Variants in ZBTB8A observed in about 807,000 individuals in gnomAD.
ZBTB8A encodes zinc finger and BTB domain-containing protein 8A.
ZBTB8A carries 19 observed loss-of-function variants against 37.8 expected under a neutral mutation model. The ratio of observed to expected loss-of-function variants is 0.50; its 90% CI spans 0.35 to 0.74. The LOEUF is 0.74. Ranked by LOEUF, ZBTB8A falls within the 30% of genes least tolerant of loss-of-function variation. The pLI, the probability that ZBTB8A is intolerant of heterozygous loss-of-function variation, is 0.01. For synonymous variants in ZBTB8A, 181 were observed against 185.2 expected (o/e 0.98, Z 0.19); for missense variants, 394 against 537.8 (o/e 0.73, Z 2.65).
At chr1:32,550,497 T>A (rs1266387897) in intron 1 of ZBTB8A, among the ~76,000 whole-genome samples, 2 of 152,068 alleles carry the variant, frequency 1.3e-5, no homozygotes, top group Non-Finnish European at 2.9e-5. Flanking sequence ...TACACGTCTG[T>A]GGTCCCAGCT....
intron 2 of ZBTB8A, among the ~76,000 whole-genome samples, chr1:32,579,961 G>T (rs893853507): frequency 6.6e-6 from 1 of 152,144 alleles, no homozygotes; most frequent in South Asian, 2.1e-4. Flanking sequence ...TTCACACGTT[G>T]TAGTTAGTTA....
intron 2 of ZBTB8A, among the ~76,000 whole-genome samples, chr1:32,565,646 G>A (rs989646034): frequency 3.3e-5 from 5 of 152,018 alleles, no homozygotes; most frequent in South Asian, 4.1e-4. Context: ...GATTGAGACC[G>A]TCTTTAAAAA....
intron 3 of ZBTB8A, 77 bp downstream of exon 3, chr1:32,593,831 T>A: frequency 9.0e-7 from 1 of 1,111,990 alleles, no homozygotes; most frequent in Non-Finnish European, 1.3e-6. Context: ...AAAACACCCT[T>A]AGTTTCAGGT....
chr1:32,553,666 C>T (rs1449683457), intron 2 of ZBTB8A, 126 bp downstream of exon 2: 1 of 151,776 alleles, frequency 6.6e-6, no homozygotes, highest in Non-Finnish European at 1.5e-5. Flanking sequence ...GCAGACAGAT[C>T]ACCTGAGGTC....
intron 2 of ZBTB8A, among the ~76,000 whole-genome samples, chr1:32,585,574 C>T (rs993721826): frequency 4.6e-5 from 7 of 152,040 alleles, no homozygotes; most frequent in African/African-American, 1.7e-4. Context: ...ACCATGTTCA[C>T]GGATGGTGAG....
intron 2 of ZBTB8A, among the ~76,000 whole-genome samples, chr1:32,562,871 C>T (rs1458249267): frequency 6.6e-6 from 1 of 152,116 alleles, no homozygotes; most frequent in Non-Finnish European, 1.5e-5. Flanking sequence ...GCATGAGCCA[C>T]CACTCCCAGC....
chr1:32,547,648 G>GA (rs139684543), intron 1 of ZBTB8A, among the ~76,000 whole-genome samples: 20 of 126,762 alleles, frequency 1.6e-4, no homozygotes, highest in African/African-American at 5.3e-4. Context: ...AAAAAAGAAA[G>GA]AAAAAAAGGC....
intron 2 of ZBTB8A, among the ~76,000 whole-genome samples, chr1:32,592,474 A>G (rs920777164): frequency 1.3e-5 from 2 of 151,812 alleles, no homozygotes; most frequent in Non-Finnish European, 2.9e-5. Context: ...CAGGAGTTCA[A>G]GGTTGCAGTG....
chr1:32,553,905 A>AAAG (rs1198483324), intron 2 of ZBTB8A, among the ~76,000 whole-genome samples: 2 of 127,464 alleles, frequency 1.6e-5, no homozygotes, highest in African/African-American at 2.9e-5. Context: ...AAAAAAAAAA[A>AAAG]GGTAGAATTT....
At chr1:32,564,307 G>C (rs530113371) in intron 2 of ZBTB8A, among the ~76,000 whole-genome samples, 24 of 152,244 alleles carry the variant, frequency 1.6e-4, no homozygotes, top group South Asian at 8.3e-4. Flanking sequence ...TGTTTCTCTA[G>C]TGTAATTGAT....
intron 1 of ZBTB8A, among the ~76,000 whole-genome samples, chr1:32,540,743 A>G (rs915630224): frequency 2.0e-5 from 3 of 152,212 alleles, no homozygotes; most frequent in Non-Finnish European, 2.9e-5. Context: ...TGCCTCAGGT[A>G]TGGATGCGTT....
chr1:32,572,971 A>AT (rs1269156460), intron 2 of ZBTB8A, among the ~76,000 whole-genome samples: 1 of 140,446 alleles, frequency 7.1e-6, no homozygotes, highest in East Asian at 2.1e-4. Flanking sequence ...GGTTTCATTG[A>AT]TTTTTCTCTA....
chr1:32,573,953 G>A (rs1323669073), intron 2 of ZBTB8A, among the ~76,000 whole-genome samples: 1 of 151,652 alleles, frequency 6.6e-6, no homozygotes, highest in African/African-American at 2.4e-5. Context: ...GCGCGTGCCT[G>A]TAATCCCAGC....
chr1:32,546,211 A>C (rs984717894), intron 1 of ZBTB8A, among the ~76,000 whole-genome samples: 14 of 152,232 alleles, frequency 9.2e-5, no homozygotes, highest in Admixed American at 9.2e-4. Flanking sequence ...TGGGAGGCCA[A>C]GGCGGGCAGA....
At chr1:32,544,719 T>C (rs955480403) in intron 1 of ZBTB8A, among the ~76,000 whole-genome samples, 1 of 151,992 alleles carries the variant, frequency 6.6e-6, no homozygotes, top group African/African-American at 2.4e-5. Context: ...AACAAATAAA[T>C]AAACACAGGA....
chr1:32,582,674 A>G (rs1350844342), intron 2 of ZBTB8A, among the ~76,000 whole-genome samples: 1 of 152,118 alleles, frequency 6.6e-6, no homozygotes, highest in South Asian at 2.1e-4. Flanking sequence ...CAACCTGTAA[A>G]AGATTAGGCA....
rs372432774 is a variant in ZBTB8A at position 32,569,997 on chromosome 1, C to T, written c.-2+16457C>T. Among the ~76,000 whole-genome samples, 5 of 152,188 alleles carry T rather than the reference C, an allele frequency of 3.3e-5. No individual in the cohort carries two copies. In the East Asian group the frequency reaches 9.7e-4, roughly 29 times the overall value. On this transcript the variant is annotated intron_variant, in intron 2 of 4. Transcript: ENST00000373510. ...CAAAGACTTTCTCCTTTGTTTTCTT[C>T]TGAAATTTAGCTTTTACCATGATGT...
intron 4 of ZBTB8A, among the ~76,000 whole-genome samples, chr1:32,598,426 G>A (rs1182334914): frequency 6.6e-6 from 1 of 151,226 alleles, no homozygotes; most frequent in Non-Finnish European, 1.5e-5. Flanking sequence ...TAGTAAAGAT[G>A]GAGTTTTACC....
intron 2 of ZBTB8A, among the ~76,000 whole-genome samples, chr1:32,588,446 A>C (rs1644464440): frequency 1.3e-5 from 2 of 152,048 alleles, no homozygotes; most frequent in African/African-American, 2.4e-5. Flanking sequence ...ATATAGGTAG[A>C]GAAGATGTTT....
Sources: gnomAD v4.1 joint callset for allele counts (sites outside exome capture counted in the v4.1 genomes callset) on GRCh38, gnomAD v4.1.1 for gene constraint, MANE v1.5 for transcripts, NCBI Gene and HGNC (gene_info 2026-07-23, HGNC 2026-07-21) for gene names.